The following UST variants were observed in gnomAD, a reference collection of about 807,000 sequenced individuals.
UST encodes uronyl 2-sulfotransferase.
A neutral mutation model predicts 45.6 loss-of-function variants in UST; 21 were observed. The observed-to-expected ratio is 0.46, with a 90% CI of 0.33 to 0.66. The LOEUF is 0.66. Among genes scored for constraint, UST ranks in the 30% least tolerant of loss-of-function variants. UST has a pLI of 0.02. For synonymous variants in UST, 215 were observed against 200.6 expected (o/e 1.07, Z -0.61); for missense variants, 463 against 512.4 (o/e 0.90, Z 0.93).
intron 1 of UST, among the ~76,000 whole-genome samples, chr6:148,788,145 A>G (rs757875747): frequency 5.9e-5 from 9 of 152,152 alleles, no homozygotes; most frequent in Non-Finnish European, 1.3e-4. Context: ...GCCAAGCGAA[A>G]CGGGTTTCTT....
intron 7 of UST, among the ~76,000 whole-genome samples, chr6:149,046,454 A>G (rs933538747): frequency 6.6e-6 from 1 of 152,244 alleles, no homozygotes; most frequent in East Asian, 1.9e-4. Flanking sequence ...GGCATCTTCT[A>G]TCTGTGAAGT....
In UST at chr6:149,076,146, C is replaced by G. The variant is rs1368050877; in HGVS notation, c.*2030C>G. The G allele has an allele frequency of 6.6e-6, 1 of 152,236 alleles. No individual in the cohort carries two copies. The highest frequency in any genetic ancestry group is 1.9e-4 in the East Asian group (1 of 5,202). The allele number at this position is 152,236 out of a possible 1,614,324, so 9.4% of individuals were successfully genotyped here. On this transcript the variant is annotated 3_prime_UTR_variant, in exon 8 of 8. Transcript: ENST00000367463. ...GAAATGTTCTTAGAGGAGGAAATAT[C>G]CTTTGTCCTGTTCAGAGAGACCAGG...
chr6:149,051,444 G>A (rs538851632), intron 7 of UST, among the ~76,000 whole-genome samples: 27 of 152,266 alleles, frequency 1.8e-4, no homozygotes, highest in Non-Finnish European at 3.4e-4. Context: ...GAGAAGTGAC[G>A]GGCCTGCAAA....
At chr6:148,863,718 C>T (rs537353050) in intron 1 of UST, among the ~76,000 whole-genome samples, 1 of 152,330 alleles carries the variant, frequency 6.6e-6, no homozygotes, top group East Asian at 1.9e-4. Context: ...AGTTTTCCTT[C>T]TAACAGTCAG....
intron 1 of UST, among the ~76,000 whole-genome samples, chr6:148,862,866 A>G (rs1778346834): frequency 6.6e-6 from 1 of 152,310 alleles, no homozygotes; most frequent in East Asian, 1.9e-4. Context: ...CCAAGAGACC[A>G]GCTGTTAGTC....
At chr6:149,052,319 T>C (rs1776499082) in intron 7 of UST, among the ~76,000 whole-genome samples, 1 of 152,234 alleles carries the variant, frequency 6.6e-6, no homozygotes, top group African/African-American at 2.4e-5. Context: ...ATATTAATAG[T>C]TGTTGTTATT....
At chr6:148,993,972 T>C (rs1318427845) in intron 5 of UST, among the ~76,000 whole-genome samples, 1 of 137,744 alleles carries the variant, frequency 7.3e-6, no homozygotes, top group African/African-American at 2.8e-5. Context: ...TTTTTTTTTT[T>C]TTTTTTTTTT....
intron 5 of UST, 176 bp downstream of exon 5, chr6:148,964,739 G>A: frequency 1.4e-6 from 1 of 713,968 alleles, no homozygotes; most frequent in Non-Finnish European, 2.3e-6. Flanking sequence ...GGTTCCGGGT[G>A]ACCCAGATCC....
chr6:148,809,664 C>T (rs1777218164), intron 1 of UST, among the ~76,000 whole-genome samples: 1 of 152,122 alleles, frequency 6.6e-6, no homozygotes, highest in Non-Finnish European at 1.5e-5. Flanking sequence ...AGCAGTCCTA[C>T]GTTTTCAGAT....
chr6:148,809,464 T>G (rs1777213559), intron 1 of UST, among the ~76,000 whole-genome samples: 1 of 152,170 alleles, frequency 6.6e-6, no homozygotes, highest in Non-Finnish European at 1.5e-5. Flanking sequence ...TGCCTTTCCA[T>G]CTCAACACTC....
intron 2 of UST, among the ~76,000 whole-genome samples, chr6:148,888,578 A>G (rs969754255): frequency 6.6e-6 from 1 of 152,248 alleles, no homozygotes; most frequent in Non-Finnish European, 1.5e-5. Context: ...CTTACAGCAC[A>G]GGATGCCTAA....
intron 5 of UST, among the ~76,000 whole-genome samples, chr6:149,012,519 C>T (rs891257723): frequency 1.3e-5 from 2 of 152,088 alleles, no homozygotes; most frequent in Admixed American, 6.5e-5. Flanking sequence ...CGTAAGAAAC[C>T]GTCCTTTTCC....
intron 7 of UST, among the ~76,000 whole-genome samples, chr6:149,030,993 G>A (rs1310292875): frequency 6.6e-6 from 1 of 152,070 alleles, no homozygotes; most frequent in East Asian, 1.9e-4. Context: ...TGGATCACAA[G>A]GTCAGGAGTT....
chr6:148,964,578 A>C lies in UST; in HGVS notation c.681+15A>C. On this transcript the variant is annotated intron_variant, in intron 5 of 7. Transcript: ENST00000367463. The stretch of plus-strand genomic sequence containing the variant: ...AGCGCTACCTGGTAAGTCCTGTCGC[A>C]TGCAAAAGGCGGTCTCCCCACTGCC... 4.3e-6 allele frequency: 7 copies of C among 1,612,356 alleles called. No homozygotes were observed. Among genetic ancestry groups the C allele is most frequent in the Non-Finnish European group, 5.1e-6 (6 of 1,179,646 alleles).
intron 2 of UST, among the ~76,000 whole-genome samples, chr6:148,889,869 C>G (rs1210357789): frequency 6.6e-6 from 1 of 152,026 alleles, no homozygotes; most frequent in Non-Finnish European, 1.5e-5. Context: ...CTAGCTGTGC[C>G]TCTTCCCCCT....
intron 1 of UST, among the ~76,000 whole-genome samples, chr6:148,863,408 T>C (rs1476122072): frequency 6.6e-6 from 1 of 152,204 alleles, no homozygotes; most frequent in Non-Finnish European, 1.5e-5. Context: ...CTAATCTTTT[T>C]TCAAGGTTTT....
chr6:148,828,190 G>C (rs76883809), intron 1 of UST, among the ~76,000 whole-genome samples: 2,058 of 151,700 alleles, frequency 0.014, 44 homozygotes, highest in African/African-American at 0.047. Flanking sequence ...GTTCAACTTA[G>C]GTCTGATAGT....
At chr6:149,004,748 A>G (rs948889432) in intron 5 of UST, among the ~76,000 whole-genome samples, 4 of 151,754 alleles carry the variant, frequency 2.6e-5, no homozygotes. Context: ...ATGGAGAACC[A>G]GGTGGGCCCG....
At chr6:148,915,971 A>T (rs183548574) in intron 2 of UST, among the ~76,000 whole-genome samples, 3 of 139,394 alleles carry the variant, frequency 2.2e-5, no homozygotes, top group African/African-American at 7.4e-5. Context: ...AAGAAACATG[A>T]AACAAATAGC....
Sources: allele counts gnomAD v4.1 joint callset (sites outside exome capture counted in the v4.1 genomes callset), GRCh38; gene constraint gnomAD v4.1.1; transcripts MANE v1.5; gene names NCBI Gene and HGNC (gene_info 2026-07-23, HGNC 2026-07-21).